Variants in JAML observed in about 807,000 individuals in gnomAD.
JAML encodes the protein junctional adhesion molecule-like.
In JAML, 25 loss-of-function variants were observed where a neutral mutation model predicts 39.3. The observed-to-expected ratio is 0.64, with a 90% CI of 0.46 to 0.89. The LOEUF (loss-of-function observed/expected upper bound fraction) is 0.89. Among genes scored for constraint, JAML ranks in the 40% least tolerant of loss-of-function variants. The probability of loss-of-function intolerance (pLI) is 0.00; values close to 1 mark genes in which losing one functional copy is unlikely to be tolerated. For missense variants in JAML, 440 were observed against 486.9 expected, an observed-to-expected ratio of 0.90 and a Z score of 0.91; for synonymous variants, 162 against 179.2, an observed-to-expected ratio of 0.90 and a Z score of 0.77.
chr11:118,221,120 A>G (rs1949205735), intron 1 of JAML, among the ~76,000 whole-genome samples: 1 of 152,238 alleles, frequency 6.6e-6, no homozygotes, highest in Non-Finnish European at 1.5e-5. Flanking sequence ...TCTGGAGTTT[A>G]ACAGGCTTTT....
At chr11:118,212,682 C>T (rs1949086671) in intron 2 of JAML, 121 bp from the exon 3 acceptor site, 1 of 1,505,766 alleles carries the variant, frequency 6.6e-7, no homozygotes, top group Non-Finnish European at 8.9e-7. Flanking sequence ...TAGACAAAGT[C>T]CTCGGAGGCA....
intron 2 of JAML, among the ~76,000 whole-genome samples, chr11:118,214,301 G>C (rs984523717): frequency 1.3e-5 from 2 of 152,168 alleles, no homozygotes; most frequent in African/African-American, 4.8e-5. Flanking sequence ...TGGAGCATAA[G>C]GGGAAACCTG....
In JAML at chr11:118,203,323, C is replaced by T. The variant is rs181772154; in HGVS notation, c.772+105G>A. On this transcript the variant is annotated intron_variant, in intron 6 of 9. Transcript: ENST00000356289. ...CAGAGTCAGCACCTGAGAGGGATGC[C>T]TCCTTCAATTTTGCATCCTAGGAAC... is the stretch of plus-strand genomic sequence containing the variant. The T allele has an allele frequency of 2.3e-4, 228 of 1,010,978 alleles. 1 individual carries two copies. The African/African-American group carries it at 3.2e-3, about 14-fold the overall frequency. 62.6% of individuals were successfully genotyped at this position (1,010,978 alleles called of 1,614,324 possible).
At position 118,203,551 on chromosome 11, in the gene JAML, CGTCATT is replaced by C. The variant is rs749527704; in HGVS notation, c.643_648del (p.Asn215_Asp216del). ...CTCACTCCTTGAAGCATGATGGAAC[CGTCATT>C]GCGGAAAATGTCCCCCACCAGGTTC... On this transcript the variant is annotated inframe_deletion, in exon 6 of 10. Coordinates refer to ENST00000356289, the MANE Select transcript of JAML (RefSeq NM_001098526.2). 6.2e-7 allele frequency: 1 copy of C among 1,614,172 alleles called. No homozygotes were observed. The highest frequency in any genetic ancestry group is 1.7e-5 in the Admixed American group (1 of 60,028).
intron 4 of JAML, among the ~76,000 whole-genome samples, chr11:118,207,622 A>G (rs1948945506): frequency 6.6e-6 from 1 of 152,170 alleles, no homozygotes; most frequent in East Asian, 1.9e-4. Flanking sequence ...TTTGTAGAGA[A>G]AATTATAGAT....
At chr11:118,220,983 T>C (rs1949204443) in intron 1 of JAML, among the ~76,000 whole-genome samples, 1 of 152,146 alleles carries the variant, frequency 6.6e-6, no homozygotes. Flanking sequence ...CAAGGGTGAC[T>C]CTGGAGGTGG....
chr11:118,201,923 C>T (rs1948808892), intron 6 of JAML: 1 of 152,238 alleles, frequency 6.6e-6, no homozygotes, highest in African/African-American at 2.4e-5. Context: ...GTAGGTTAGA[C>T]ATGTTGCATA....
intron 2 of JAML, chr11:118,213,404 C>T (rs1015521455): frequency 1.5e-5 from 14 of 932,256 alleles, no homozygotes; most frequent in African/African-American, 1.8e-5. Flanking sequence ...CAAGCTGTTT[C>T]CCTGAGAGAA....
intron 6 of JAML, chr11:118,200,880 T>C (rs1327597726): frequency 3.1e-6 from 1 of 326,630 alleles, no homozygotes; most frequent in Non-Finnish European, 5.7e-6. Flanking sequence ...ACATCAACAA[T>C]TCTATTCTAA....
intron 3 of JAML, 123 bp downstream of exon 3, chr11:118,212,284 T>A: frequency 8.0e-7 from 1 of 1,245,764 alleles, no homozygotes; most frequent in African/African-American, 1.5e-5. Flanking sequence ...GTTCTGATAA[T>A]CTCCAAAGCC....
chr11:118,215,289 C>T (rs928582352), intron 1 of JAML, among the ~76,000 whole-genome samples: 3 of 152,120 alleles, frequency 2.0e-5, no homozygotes, highest in African/African-American at 7.2e-5. Context: ...CTGTATGTTT[C>T]ACACAAACAA....
intron 6 of JAML, chr11:118,202,923 A>C (rs1480436904): frequency 2.2e-6 from 1 of 456,158 alleles, no homozygotes; most frequent in Non-Finnish European, 4.4e-6. Flanking sequence ...GCCTTGATGC[A>C]CACTGTTTGC....
At chr11:118,197,780 A>G in intron 8 of JAML, 2 of 528,336 alleles carry the variant, frequency 3.8e-6, no homozygotes, top group East Asian at 3.3e-5. Flanking sequence ...CCTCAGCCCA[A>G]TACCAGGATC....
intron 7 of JAML, 50 bp from the exon 8 acceptor site, chr11:118,198,141 C>T: frequency 6.6e-7 from 1 of 1,504,034 alleles, no homozygotes; most frequent in Non-Finnish European, 9.2e-7. Flanking sequence ...ATGGTTTATT[C>T]AAGGGTCCCT....
chr11:118,198,360 T>A (rs1238822119), intron 7 of JAML, among the ~76,000 whole-genome samples: 2 of 152,152 alleles, frequency 1.3e-5, no homozygotes, highest in African/African-American at 4.8e-5. Flanking sequence ...TTTCAGTCCG[T>A]ATGGGAGAGG....
rs141610237 is a variant in JAML at position 118,211,359 on chromosome 11, C to T, written c.199-647G>A. ...CTAGGCTCAGGTGATCCTCCCACCT[C>T]AGTCTCCCAAGTAGCTGGGACTACA... On this transcript the variant is annotated intron_variant, in intron 3 of 9. Coordinates refer to ENST00000356289, the MANE Select transcript of JAML (RefSeq NM_001098526.2). Among the ~76,000 whole-genome samples, 6 of 152,338 alleles carry T rather than the reference C, an allele frequency of 3.9e-5. No individual in the cohort carries two copies. In the East Asian group the frequency reaches 1.2e-3, roughly 29 times the overall value.
chr11:118,202,890 C>T (rs554027527), intron 6 of JAML: 127 of 451,316 alleles, frequency 2.8e-4, no homozygotes, highest in African/African-American at 2.4e-3. Context: ...ACAATCAAGT[C>T]TTTCCTCTCC....
chr11:118,224,479 AC>A (rs1452745218), intron 1 of JAML, among the ~76,000 whole-genome samples: 1 of 152,198 alleles, frequency 6.6e-6, no homozygotes, highest in Non-Finnish European at 1.5e-5. Flanking sequence ...ACCATAGTAA[AC>A]TTTTTACTAT....
rs1467094583 is a variant in JAML, at chr11:118,203,654, T to C, written c.546A>G (p.Val182=). 10 of 1,610,950 alleles carry C rather than the reference T, an allele frequency of 6.2e-6. No homozygotes were observed. Among genetic ancestry groups the C allele is most frequent in the Middle Eastern group, 1.6e-4 (1 of 6,078 alleles). Residue 182 remains valine, a synonymous_variant, in exon 6 of 10, where the codon GTA becomes GTG. Transcript: ENST00000356289. ...TCCTGAGTTTGTGGTAGTAACGAAATACAATCTCCTCCTAGAAGTGAAAGA... is the reference window on the plus strand; with the variant it reads ...TCCTGAGTTTGTGGTAGTAACGAAACACAATCTCCTCCTAGAAGTGAAAGA... ...FSGRRAKEEI[V]FRYYHKLRMS... is the part of the protein sequence containing the mutation.
Sources: gnomAD v4.1 joint callset for allele counts (sites outside exome capture counted in the v4.1 genomes callset) on GRCh38, gnomAD v4.1.1 for gene constraint, MANE v1.5 for transcripts, NCBI Gene and HGNC (gene_info 2026-07-23, HGNC 2026-07-21) for gene names.